RANGAP1: variants seen among roughly 807,000 people sequenced by gnomAD.
RANGAP1 encodes the protein Ran GTPase activating protein 1.
A neutral mutation model predicts 63.5 loss-of-function variants in RANGAP1; 38 were observed. The ratio of observed to expected loss-of-function variants is 0.60; its 90% CI spans 0.46 to 0.78. The LOEUF (loss-of-function observed/expected upper bound fraction) is 0.78. Among genes scored for constraint, RANGAP1 ranks in the 30% least tolerant of loss-of-function variants. RANGAP1 has a pLI of 0.00. For missense variants in RANGAP1, 630 were observed against 740.3 expected, an observed-to-expected ratio of 0.85 and a Z score of 1.73; for synonymous variants, 329 against 310.5, an observed-to-expected ratio of 1.06 and a Z score of -0.63.
chr22:41,254,997 A>G (rs963015433), intron 10 of RANGAP1, among the ~76,000 whole-genome samples: 8 of 148,972 alleles, frequency 5.4e-5, no homozygotes, highest in African/African-American at 2.0e-4. Flanking sequence ...AAAAAAAAAC[A>G]AAAAAAAATC....
chr22:41,283,806 C>T (rs1024311453), intron 1 of RANGAP1, among the ~76,000 whole-genome samples: 2 of 152,168 alleles, frequency 1.3e-5, no homozygotes, highest in African/African-American at 2.4e-5. Context: ...CAGTGGCTTT[C>T]GCTATAAGTG....
intron 3 of RANGAP1, 53 bp from the exon 4 acceptor site, chr22:41,268,209 T>C (rs1286718745): frequency 5.8e-6 from 8 of 1,381,164 alleles, no homozygotes; most frequent in African/African-American, 1.4e-5. Context: ...TGGAGGCCCA[T>C]AGTGAAGCCT....
chr22:41,284,716 A>G (rs1181936632), intron 1 of RANGAP1, among the ~76,000 whole-genome samples: 1 of 152,168 alleles, frequency 6.6e-6, no homozygotes, highest in African/African-American at 2.4e-5. Context: ...CACTAAAAAT[A>G]CAAAAACTAG....
upstream of RANGAP1, among the ~76,000 whole-genome samples, chr22:41,288,999 T>C (rs533658618): frequency 1.4e-5 from 2 of 145,398 alleles, no homozygotes; most frequent in African/African-American, 2.6e-5. Flanking sequence ...CTCAGCTCAC[T>C]GCAACCTCCG....
At chr22:41,275,271 T>C (rs1022061774) in intron 2 of RANGAP1, among the ~76,000 whole-genome samples, 37 of 152,218 alleles carry the variant, frequency 2.4e-4, no homozygotes, top group African/African-American at 8.7e-4. Flanking sequence ...GGCAGGTGGA[T>C]TGCTTGAGCC....
intron 3 of RANGAP1, among the ~76,000 whole-genome samples, chr22:41,270,785 T>C (rs1278522550): frequency 6.6e-6 from 1 of 152,168 alleles, no homozygotes; most frequent in Non-Finnish European, 1.5e-5. Context: ...GGGCCTCAGC[T>C]GTCTGCTCTA....
intron 2 of RANGAP1, among the ~76,000 whole-genome samples, chr22:41,279,005 T>C (rs2035324185): frequency 6.6e-6 from 1 of 152,002 alleles, no homozygotes; most frequent in Non-Finnish European, 1.5e-5. Context: ...TAGCCGGGCG[T>C]GGTGGCGGGC....
At chr22:41,273,287 G>C (rs913891603) in intron 3 of RANGAP1, among the ~76,000 whole-genome samples, 1 of 152,040 alleles carries the variant, frequency 6.6e-6, no homozygotes, top group African/African-American at 2.4e-5. Context: ...CATGACTTTG[G>C]AATTTCAAAG....
At chr22:41,299,171 C>T in the RANGAP1 span, among the ~76,000 whole-genome samples, 3 of 151,238 alleles carry the variant, frequency 2.0e-5, no homozygotes, top group Non-Finnish European at 4.4e-5. Flanking sequence ...CTCGCTCTGT[C>T]GCCCAGGCTG....
At position 41,271,398 on chromosome 22, in the gene RANGAP1, A is replaced by AC. The variant is rs1453950839; in HGVS notation, c.240+3201_240+3202insG. On this transcript the variant is annotated intron_variant, in intron 3 of 15. Transcript: ENST00000356244. ...GTGAAACTGTCTCTAAAAAAAAACA[A>AC]AAAAAAAAAACAAAAACGCCGGGTG... Among the ~76,000 whole-genome samples the AC allele has an allele frequency of 1.4e-4, 21 of 149,370 alleles. 1 individual carries two copies. Among genetic ancestry groups the AC allele is most frequent in the Non-Finnish European group, 4.5e-5 (3 of 67,026 alleles).
intron 1 of RANGAP1, chr22:41,285,406 G>T: frequency 1.4e-6 from 1 of 737,228 alleles, no homozygotes; most frequent in Non-Finnish European, 1.7e-6. Flanking sequence ...AAATTGATTT[G>T]TCCAAGGTCA....
chr22:41,296,315 A>G, the RANGAP1 span, among the ~76,000 whole-genome samples: 9 of 152,096 alleles, frequency 5.9e-5, no homozygotes, highest in Middle Eastern at 3.4e-3. Context: ...ACCATCGAAA[A>G]TAATAAAAAC....
intron 6 of RANGAP1, 92 bp downstream of exon 6, chr22:41,261,354 T>C (rs2034158542): frequency 6.4e-7 from 1 of 1,562,438 alleles, no homozygotes; most frequent in East Asian, 2.2e-5. Context: ...CTTGGTTGAG[T>C]GCCAGCCCTG....
chr22:41,272,559 T>C (rs771187933), intron 3 of RANGAP1, among the ~76,000 whole-genome samples: 5 of 152,026 alleles, frequency 3.3e-5, no homozygotes, highest in Non-Finnish European at 7.4e-5. Context: ...TCTCGCTCTG[T>C]TGCTAGGCTG....
chr22:41,285,389 G>A, intron 1 of RANGAP1: 1 of 614,890 alleles, frequency 1.6e-6, no homozygotes, highest in Non-Finnish European at 2.0e-6. Context: ...CTGGAGCACA[G>A]AAACGTAAAT....
Position 41,246,595 on chromosome 22 carries a change from C to G in RANGAP1, c.*8G>C. 6.4e-7 allele frequency: 1 copy of G among 1,556,826 alleles called. No homozygotes were observed. The highest frequency in any genetic ancestry group is 1.2e-5 in the South Asian group (1 of 85,058). ...GGTCCAGGCCAAGGGATGGGAGAGG[C>G]TTTGAGTCTAGACCTTGTACAGCGT... On this transcript the variant is annotated 3_prime_UTR_variant, in exon 16 of 16. Coordinates refer to ENST00000356244, the MANE Select transcript of RANGAP1 (RefSeq NM_002883.4).
rs528869879 is a variant in RANGAP1 at position 41,259,435 on chromosome 22, A to T, written c.616-1329T>A. 1.3e-3 allele frequency among the ~76,000 whole-genome samples: 195 copies of T among 152,308 alleles called. 2 individuals are homozygous for T. The highest frequency in any genetic ancestry group is 6.4e-3 in the South Asian group (31 of 4,828). On this transcript the variant is annotated intron_variant, in intron 6 of 15. Coordinates refer to ENST00000356244, the MANE Select transcript of RANGAP1 (RefSeq NM_002883.4). ...TCCCCTCCTCAAAAAATGTTTTTTTAAAATTTTAAGATAAATTACACAGAA... is the reference window on the plus strand; with the variant it reads ...TCCCCTCCTCAAAAAATGTTTTTTTTAAATTTTAAGATAAATTACACAGAA...
chr22:41,292,711 G>A, the RANGAP1 span, among the ~76,000 whole-genome samples: 9 of 151,880 alleles, frequency 5.9e-5, no homozygotes, highest in Non-Finnish European at 1.2e-4. Context: ...ATGCCATTGC[G>A]CTCCAGCCTG....
intron 6 of RANGAP1, 65 bp from the exon 7 acceptor site, chr22:41,258,171 A>G (rs936211860): frequency 2.0e-6 from 3 of 1,523,476 alleles, no homozygotes; most frequent in African/African-American, 2.7e-5. Flanking sequence ...CAGGCAGGAG[A>G]GCAATTCCAC....
Sources: gnomAD v4.1 joint callset for allele counts (sites outside exome capture counted in the v4.1 genomes callset) on GRCh38, gnomAD v4.1.1 for gene constraint, MANE v1.5 for transcripts, NCBI Gene and HGNC (gene_info 2026-07-23, HGNC 2026-07-21) for gene names.